Variants in COL4A5 observed in about 807,000 individuals in gnomAD.
The protein encoded by COL4A5 is collagen alpha-5(IV) chain.
In COL4A5, 26 loss-of-function variants were observed where a neutral mutation model predicts 130.2. The observed-to-expected ratio is 0.20, with a 90% CI of 0.15 to 0.28. The LOEUF is 0.28. Among genes scored for constraint, COL4A5 ranks in the 10% least tolerant of loss-of-function variants. The probability of loss-of-function intolerance (pLI) is 1.00; values close to 1 mark genes in which losing one functional copy is unlikely to be tolerated. For missense variants in COL4A5, 1,131 were observed against 1,344.3 expected, an observed-to-expected ratio of 0.84 and a Z score of 2.48; for synonymous variants, 496 against 439.6, an observed-to-expected ratio of 1.13 and a Z score of -1.60.
At chrX:108,532,219 C>T (rs971826586) in intron 1 of COL4A5, among the ~76,000 whole-genome samples, 3 of 111,433 alleles carry the variant, frequency 2.7e-5, no homozygotes, top group African/African-American at 9.8e-5. Flanking sequence ...TTCAACAGTA[C>T]GTCAAAAATA....
intron 36 of COL4A5, among the ~76,000 whole-genome samples, chrX:108,650,066 A>C (rs1352930238): frequency 9.0e-6 from 1 of 111,414 alleles, no homozygotes; most frequent in Non-Finnish European, 1.9e-5. Flanking sequence ...AGTAAGAAAA[A>C]AAAACAAAAA....
In COL4A5 at chrX:108,563,916, A is replaced by G; in HGVS notation, c.266A>G (p.Lys89Arg). ...DDGIPGPPGP[K>R]GIRGPPGLPG... ...GGAATTCCAGGGCCACCAGGACCAAAAGGAATCAGAGTAAGTAGTATTTTC... is the reference window on the plus strand; with the variant it reads ...GGAATTCCAGGGCCACCAGGACCAAGAGGAATCAGAGTAAGTAGTATTTTC... Residue 89 changes from lysine (K) to arginine (R), a missense_variant, in exon 4 of 53, where the codon AAA becomes AGA. Physicochemically the swap from Lys to Arg is conservative, Grantham distance 26. Transcript: ENST00000328300. The G allele has an allele frequency of 8.3e-7, 1 of 1,201,938 alleles. No individual in the cohort carries two copies. Among genetic ancestry groups the G allele is most frequent in the Non-Finnish European group, 1.1e-6 (1 of 887,328 alleles).
intron 36 of COL4A5, among the ~76,000 whole-genome samples, chrX:108,646,980 G>T (rs1047572964): frequency 1.8e-5 from 2 of 110,453 alleles, no homozygotes. Context: ...TTTGGTGACT[G>T]TAGCCTTGTA....
chrX:108,640,260 G>A (rs781222645), intron 36 of COL4A5, among the ~76,000 whole-genome samples: 6 of 111,623 alleles, frequency 5.4e-5, no homozygotes, highest in South Asian at 3.7e-4. Context: ...CTTTGAAGCC[G>A]TTATGCTAAG....
intron 2 of COL4A5, among the ~76,000 whole-genome samples, chrX:108,543,118 C>T (rs2065576756): frequency 9.1e-6 from 1 of 110,364 alleles, no homozygotes; most frequent in African/African-American, 3.3e-5. Flanking sequence ...TTAATTAGAT[C>T]CCATTTGTCA....
chrX:108,498,138 A>G (rs2065049594), intron 1 of COL4A5, among the ~76,000 whole-genome samples: 1 of 111,841 alleles, frequency 8.9e-6, no homozygotes, highest in Non-Finnish European at 1.9e-5. Context: ...AGTATTTTAT[A>G]TTTAAGAACA....
intron 30 of COL4A5, among the ~76,000 whole-genome samples, chrX:108,616,262 A>T (rs1182823647): frequency 1.8e-5 from 2 of 109,190 alleles, no homozygotes; most frequent in Non-Finnish European, 3.8e-5. Context: ...TTGTTTTGAG[A>T]CAGAGTTTCA....
At chrX:108,621,580 G>A (rs988219349) in intron 31 of COL4A5, among the ~76,000 whole-genome samples, 4 of 110,625 alleles carry the variant, frequency 3.6e-5, no homozygotes. Flanking sequence ...GTACATACTG[G>A]GACATATGGT....
intron 1 of COL4A5, among the ~76,000 whole-genome samples, chrX:108,497,520 G>C (rs1470957612): frequency 9.0e-6 from 1 of 111,396 alleles, no homozygotes; most frequent in Admixed American, 9.5e-5. Flanking sequence ...GGCTGTTAGA[G>C]AGTGTGAGTT....
chrX:108,627,420 C>T, intron 36 of COL4A5: 1 of 728,995 alleles, frequency 1.4e-6, no homozygotes, highest in South Asian at 7.0e-5. Context: ...TTTTTCTACA[C>T]ATTGTGTATA....
intron 37 of COL4A5, among the ~76,000 whole-genome samples, chrX:108,663,787 T>G (rs910847936): frequency 2.7e-5 from 3 of 110,885 alleles, no homozygotes; most frequent in African/African-American, 6.5e-5. Flanking sequence ...CATTCATAGA[T>G]TCAAAGTGAT....
chrX:108,617,514 T>C, intron 30 of COL4A5, among the ~76,000 whole-genome samples: 1 of 111,972 alleles, frequency 8.9e-6, no homozygotes, highest in South Asian at 3.7e-4. Flanking sequence ...CTATACAGTT[T>C]AACACGGTTA....
intron 47 of COL4A5, among the ~76,000 whole-genome samples, chrX:108,682,214 G>T (rs1375549898): frequency 9.0e-6 from 1 of 111,271 alleles, no homozygotes; most frequent in East Asian, 2.8e-4. Flanking sequence ...TCCATGCAAA[G>T]GACATGAACT....
chrX:108,689,562 G>A (rs1324238475), intron 49 of COL4A5: 5 of 752,677 alleles, frequency 6.6e-6, no homozygotes, highest in African/African-American at 2.3e-5. Flanking sequence ...AGGCCATGAC[G>A]GAGCCCAAGA....
intron 2 of COL4A5, among the ~76,000 whole-genome samples, chrX:108,543,361 G>A (rs1249577807): frequency 2.7e-5 from 3 of 111,862 alleles, no homozygotes; most frequent in Non-Finnish European, 3.8e-5. Flanking sequence ...TTATTAAATA[G>A]GGAATCCTTT....
At chrX:108,645,994 A>G (rs1179802976) in intron 36 of COL4A5, among the ~76,000 whole-genome samples, 2 of 109,979 alleles carry the variant, frequency 1.8e-5, no homozygotes, top group Admixed American at 9.7e-5. Flanking sequence ...TGGACATTTG[A>G]GTTGGTTCCA....
At chrX:108,640,238 A>G (rs1475264449) in intron 36 of COL4A5, among the ~76,000 whole-genome samples, 1 of 111,965 alleles carries the variant, frequency 8.9e-6, no homozygotes, top group African/African-American at 3.2e-5. Flanking sequence ...TACATACTAC[A>G]ATATGGATTA....
intron 30 of COL4A5, among the ~76,000 whole-genome samples, chrX:108,617,580 A>G (rs753762264): frequency 7.8e-4 from 87 of 112,201 alleles, no homozygotes; most frequent in Middle Eastern, 9.2e-3. Flanking sequence ...GAAATAAAAG[A>G]AAAATTGCCA....
intron 36 of COL4A5, chrX:108,627,066 T>C (rs2067167090): frequency 1.5e-6 from 1 of 649,151 alleles, no homozygotes; most frequent in African/African-American, 2.4e-5. Context: ...ATTTTTCTTT[T>C]AATATTATAT....
Sources: allele counts gnomAD v4.1 joint callset (sites outside exome capture counted in the v4.1 genomes callset), GRCh38; gene constraint gnomAD v4.1.1; transcripts MANE v1.5; gene names NCBI Gene and HGNC (gene_info 2026-07-23, HGNC 2026-07-21).